Variants in CMTM8 observed in about 807,000 individuals in gnomAD.
CMTM8 encodes the protein CKLF like MARVEL transmembrane domain containing 8.
In CMTM8, 12 loss-of-function variants were observed where a neutral mutation model predicts 18.6. The ratio of observed to expected loss-of-function variants is 0.65; its 90% confidence interval spans 0.41 to 1.05. The LOEUF is 1.05. Ranked by LOEUF, CMTM8 falls within the 50% of genes least tolerant of loss-of-function variation. CMTM8 has a pLI of 0.00. For missense variants in CMTM8, 217 were observed against 227.2 expected, an observed-to-expected ratio of 0.95 and a Z score of 0.29; for synonymous variants, 87 against 90.6, an observed-to-expected ratio of 0.96 and a Z score of 0.23.
chr3:32,354,072 C>G (rs890833453), intron 1 of CMTM8, among the ~76,000 whole-genome samples: 4 of 152,006 alleles, frequency 2.6e-5, no homozygotes, highest in African/African-American at 9.7e-5. Context: ...GTGTGAGCCA[C>G]CATGCCCGGC....
intron 1 of CMTM8, among the ~76,000 whole-genome samples, chr3:32,246,133 C>T (rs556856816): frequency 1.5e-4 from 23 of 152,188 alleles, no homozygotes; most frequent in Non-Finnish European, 3.2e-4. Flanking sequence ...AAAGCATACT[C>T]TCTTGTAAAC....
At chr3:32,291,375 C>G (rs1392136508) in intron 1 of CMTM8, among the ~76,000 whole-genome samples, 1 of 149,956 alleles carries the variant, frequency 6.7e-6, no homozygotes, top group East Asian at 2.0e-4. Context: ...CTCCTGACCT[C>G]GTGATCCGCC....
At chr3:32,342,539 G>C (rs1337048224) in intron 1 of CMTM8, among the ~76,000 whole-genome samples, 2 of 152,178 alleles carry the variant, frequency 1.3e-5, no homozygotes, top group African/African-American at 4.8e-5. Context: ...GGTGGACCGT[G>C]TGGCATTCAG....
chr3:32,264,709 C>T (rs936678204), intron 1 of CMTM8, among the ~76,000 whole-genome samples: 13 of 152,158 alleles, frequency 8.5e-5, no homozygotes, highest in African/African-American at 3.1e-4. Flanking sequence ...GGAAACCCAT[C>T]TCACATGCAG....
At chr3:32,278,679 T>C (rs1702557179) in intron 1 of CMTM8, among the ~76,000 whole-genome samples, 1 of 152,236 alleles carries the variant, frequency 6.6e-6, no homozygotes, top group Admixed American at 6.5e-5. Flanking sequence ...AATTGAGTTA[T>C]CTCTGTTAAC....
chr3:32,367,124 CCCAGTTGGT>C (rs1486528210), intron 2 of CMTM8, among the ~76,000 whole-genome samples: 2 of 152,210 alleles, frequency 1.3e-5, no homozygotes, highest in East Asian at 3.8e-4. Context: ...CCCCTTCCTC[CCCAGTTGGT>C]TTCTGCTCTG....
intron 1 of CMTM8, chr3:32,259,245 G>T: frequency 1.7e-6 from 1 of 592,834 alleles, no homozygotes; most frequent in Admixed American, 2.2e-5. Context: ...TGGACAAAGT[G>T]AAGAGCCTGG....
chr3:32,263,377 G>A (rs951556281), intron 1 of CMTM8, among the ~76,000 whole-genome samples: 4 of 152,220 alleles, frequency 2.6e-5, no homozygotes, highest in African/African-American at 9.6e-5. Flanking sequence ...CAACAGACCT[G>A]CAGCTGAGGG....
intron 2 of CMTM8, among the ~76,000 whole-genome samples, chr3:32,364,076 G>A (rs1201665670): frequency 6.6e-6 from 1 of 152,174 alleles, no homozygotes; most frequent in Non-Finnish European, 1.5e-5. Context: ...CCACCCTTAA[G>A]AAATGGACTC....
chr3:32,279,335 G>A (rs1387921903), intron 1 of CMTM8, among the ~76,000 whole-genome samples: 13 of 70,162 alleles, frequency 1.9e-4, no homozygotes, highest in Admixed American at 1.7e-3. Flanking sequence ...CCCCTCCCCC[G>A]ACCCCACCAC....
At position 32,238,840 on chromosome 3, in the gene CMTM8, C is replaced by G; in HGVS notation, c.-133C>G. 1 of 708,298 alleles carries G rather than the reference C, an allele frequency of 1.4e-6. No individual in the cohort carries two copies. The highest frequency in any genetic ancestry group is 2.0e-6 in the Non-Finnish European group (1 of 512,518). The allele number at this position is 708,298 out of a possible 1,614,324, so 43.9% of individuals were successfully genotyped here. A position where few individuals can be genotyped will look rare whatever the true frequency, so the allele number is the denominator to read the frequency against. On this transcript the variant is annotated 5_prime_UTR_variant, in exon 1 of 4. Transcript: ENST00000307526. The stretch of plus-strand genomic sequence containing the variant: ...CCTGGACAGCCCCCGGCGGGCGCCC[C>G]CCTCGCACCTCCTGCCCCGCGCGGG...
intron 1 of CMTM8, among the ~76,000 whole-genome samples, chr3:32,279,388 C>T (rs868286921): frequency 1.8e-5 from 2 of 108,834 alleles, no homozygotes; most frequent in Non-Finnish European, 3.6e-5. Context: ...TCCTTGTGAT[C>T]TCATTGTTCA....
chr3:32,304,135 G>A (rs1695678988), intron 1 of CMTM8, among the ~76,000 whole-genome samples: 1 of 152,164 alleles, frequency 6.6e-6, no homozygotes, highest in South Asian at 2.1e-4. Context: ...CCCAGGTGGT[G>A]CTGGCATGTA....
At chr3:32,255,829 G>C (rs1702168182) in intron 1 of CMTM8, among the ~76,000 whole-genome samples, 1 of 152,012 alleles carries the variant, frequency 6.6e-6, no homozygotes, top group South Asian at 2.1e-4. Context: ...AGGCTCAGGT[G>C]ATCCTCCCAC....
intron 1 of CMTM8, among the ~76,000 whole-genome samples, chr3:32,339,257 C>T (rs948568779): frequency 2.0e-5 from 3 of 152,146 alleles, no homozygotes; most frequent in Non-Finnish European, 4.4e-5. Flanking sequence ...GTCACAGTGC[C>T]GGTCTTTAGT....
chr3:32,344,962 A>G (rs1299377316), intron 1 of CMTM8, among the ~76,000 whole-genome samples: 1 of 152,176 alleles, frequency 6.6e-6, no homozygotes, highest in Admixed American at 6.5e-5. Context: ...ATGTGAGGGT[A>G]GGAGGGTACA....
At chr3:32,269,027 A>T (rs553712976) in intron 1 of CMTM8, among the ~76,000 whole-genome samples, 1 of 152,256 alleles carries the variant, frequency 6.6e-6, no homozygotes, top group Non-Finnish European at 1.5e-5. Flanking sequence ...AGAAATCTAC[A>T]TCAATCAATA....
rs1696864509 is a variant in CMTM8, at chr3:32,358,735, T to C, written c.321+1189T>C. Among the ~76,000 whole-genome samples the C allele has an allele frequency of 6.6e-6, 1 of 152,208 alleles. No homozygotes were observed. The highest frequency in any genetic ancestry group is 1.5e-5 in the Non-Finnish European group (1 of 68,034). ...AAAGTAAGGACTCTTTATTAAGATT[T>C]TCAAGAAAGCGTTGCAAGTTTGAAA... On this transcript the variant is annotated intron_variant, in intron 2 of 3. Coordinates refer to ENST00000307526, the MANE Select transcript of CMTM8 (RefSeq NM_178868.5). This position sits in a 1 kb window ranked among gnomAD's most constrained non-coding sequence, Gnocchi z 4.1.
At position 32,333,444 on chromosome 3, in the gene CMTM8, G is replaced by C. The variant is rs140694290; in HGVS notation, c.148-23929G>C. Among the ~76,000 whole-genome samples, 300 of 152,214 alleles carry C rather than the reference G, an allele frequency of 2.0e-3. 1 individual carries two copies. Among genetic ancestry groups the C allele is most frequent in the Middle Eastern group, 0.01 (3 of 294 alleles). On this transcript the variant is annotated intron_variant, in intron 1 of 3. Transcript: ENST00000307526. ...CTTAGGCCTCATCCCAGACCTGCTG[G>C]GTCAGCACCTGCATTTTAACAAGAC...
Sources: allele counts gnomAD v4.1 joint callset (sites outside exome capture counted in the v4.1 genomes callset), GRCh38; gene constraint gnomAD v4.1.1; non-coding constraint Gnocchi (gnomAD v3.1); transcripts MANE v1.5; gene names NCBI Gene and HGNC (gene_info 2026-07-23, HGNC 2026-07-21).